The following KCND3 variants were observed in gnomAD, a reference collection of about 807,000 sequenced individuals.
KCND3 encodes the protein potassium voltage-gated channel subfamily D member 3, also known as A-type voltage-gated potassium channel KCND3.
A neutral mutation model predicts 51.1 loss-of-function variants in KCND3; 9 were observed. The ratio of observed to expected loss-of-function variants is 0.18; its 90% CI spans 0.11 to 0.31. The LOEUF (loss-of-function observed/expected upper bound fraction) is 0.31. Among genes scored for constraint, KCND3 ranks in the 10% least tolerant of loss-of-function variants. The pLI is 1.00. For synonymous variants in KCND3, 349 were observed against 368.0 expected (o/e 0.95, Z 0.59); for missense variants, 526 against 903.8 (o/e 0.58, Z 5.36).
At chr1:111,872,749 G>A (rs979903140) in intron 2 of KCND3, among the ~76,000 whole-genome samples, 2 of 152,194 alleles carry the variant, frequency 1.3e-5, no homozygotes, top group South Asian at 4.1e-4. Flanking sequence ...GAGGCCGTGA[G>A]AGAGAAAATT....
intron 2 of KCND3, among the ~76,000 whole-genome samples, chr1:111,973,138 T>C: frequency 6.6e-6 from 1 of 152,252 alleles, no homozygotes; most frequent in East Asian, 1.9e-4. Context: ...TTTAATTGTT[T>C]GGCTGATCAG....
At chr1:111,810,634 G>A (rs1293198327) in intron 2 of KCND3, among the ~76,000 whole-genome samples, 1 of 152,214 alleles carries the variant, frequency 6.6e-6, no homozygotes, top group African/African-American at 2.4e-5. Context: ...AGCTAACAGC[G>A]AATCCAGTCT....
At chr1:111,953,561 G>T (rs1673165053) in intron 2 of KCND3, among the ~76,000 whole-genome samples, 1 of 152,238 alleles carries the variant, frequency 6.6e-6, no homozygotes, top group African/African-American at 2.4e-5. Flanking sequence ...GGCCTGCCTA[G>T]AAGACAAGCG....
intron 2 of KCND3, among the ~76,000 whole-genome samples, chr1:111,881,502 T>C (rs1490638427): frequency 6.6e-6 from 1 of 152,202 alleles, no homozygotes; most frequent in African/African-American, 2.4e-5. Context: ...CCAGACACAT[T>C]TGTTTCTTTC....
At chr1:111,848,029 T>C (rs1667637983) in intron 2 of KCND3, among the ~76,000 whole-genome samples, 2 of 152,342 alleles carry the variant, frequency 1.3e-5, no homozygotes, top group Admixed American at 6.5e-5. Flanking sequence ...GCAGCTCCTT[T>C]GCTGCCACCT....
At chr1:111,833,591 G>T (rs1164066439) in intron 2 of KCND3, among the ~76,000 whole-genome samples, 1 of 152,352 alleles carries the variant, frequency 6.6e-6, no homozygotes, top group Admixed American at 6.5e-5. Flanking sequence ...ATGAGGAAAA[G>T]AGAACAAATT....
At chr1:111,940,688 A>G (rs756977512) in intron 2 of KCND3, among the ~76,000 whole-genome samples, 1 of 152,116 alleles carries the variant, frequency 6.6e-6, no homozygotes, top group Non-Finnish European at 1.5e-5. Flanking sequence ...CATACCATTT[A>G]CCACATTGTC....
intron 2 of KCND3, among the ~76,000 whole-genome samples, chr1:111,877,211 G>A (rs1476713348): frequency 2.0e-5 from 3 of 152,210 alleles, no homozygotes; most frequent in South Asian, 4.1e-4. Flanking sequence ...GAGCACTCCC[G>A]TGAAGTGCCA....
At chr1:111,839,047 C>T (rs1452197476) in intron 2 of KCND3, among the ~76,000 whole-genome samples, 1 of 152,182 alleles carries the variant, frequency 6.6e-6, no homozygotes, top group East Asian at 1.9e-4. Flanking sequence ...ATCTCTTTCC[C>T]AAGTGCACAC....
At position 111,784,103 on chromosome 1, in the gene KCND3, TCACACACACACACACACACA is replaced by T. The variant is rs369429634; in HGVS notation, c.1269+2821_1269+2840del. 7.4e-4 allele frequency among the ~76,000 whole-genome samples: 87 copies of T among 117,564 alleles called. 2 individuals are homozygous for T. Among genetic ancestry groups the T allele is most frequent in the African/African-American group, 2.5e-3 (86 of 34,496 alleles). The allele number at this position is 117,564 out of a possible 152,430, so 77.1% of individuals were successfully genotyped here. A position where few individuals can be genotyped will look rare whatever the true frequency, so the allele number is the denominator to read the frequency against. On this transcript the variant is annotated intron_variant, in intron 3 of 7. Coordinates refer to ENST00000302127, the MANE Select transcript of KCND3 (RefSeq NM_001378969.1). ...CCGTGGCAGTGGATGCATTAACTTATCACACACACACACACACACACACACACACACACACACACACCAGT... is the reference window on the plus strand; with the variant it reads ...CCGTGGCAGTGGATGCATTAACTTATCACACACACACACACACACACCAGT...
intron 3 of KCND3, among the ~76,000 whole-genome samples, chr1:111,786,097 C>CT (rs1448556828): frequency 6.6e-6 from 1 of 152,228 alleles, no homozygotes; most frequent in Non-Finnish European, 1.5e-5. Context: ...AAAAACACCG[C>CT]TTTCCCACTT....
chr1:111,981,494 C>T lies in KCND3; in HGVS notation c.1106+127G>A. 3 of 1,389,248 alleles carry T rather than the reference C, an allele frequency of 2.2e-6. No homozygotes were observed. Among genetic ancestry groups the T allele is most frequent in the Non-Finnish European group, 3.0e-6 (3 of 987,146 alleles). 86.1% of individuals were successfully genotyped at this position (1,389,248 alleles called of 1,614,324 possible). A position where few individuals can be genotyped will look rare whatever the true frequency, so the allele number is the denominator to read the frequency against. On this transcript the variant is annotated intron_variant, in intron 2 of 7. Transcript: ENST00000302127. The surrounding 1 kb of genome is among the most constrained non-coding windows in gnomAD (Gnocchi z 6.2). ...TTACCCTTCGGATAGAGCAACTTCC[C>T]CTGCCCCCAACACTTGGGTAAGGGA...
At chr1:111,793,964 T>C (rs1664950663) in intron 2 of KCND3, among the ~76,000 whole-genome samples, 1 of 152,212 alleles carries the variant, frequency 6.6e-6, no homozygotes, top group Admixed American at 6.5e-5. Context: ...AAGCCCTTCC[T>C]GGAGGTGACA....
At chr1:111,875,685 G>A (rs1195146779) in intron 2 of KCND3, among the ~76,000 whole-genome samples, 1 of 152,168 alleles carries the variant, frequency 6.6e-6, no homozygotes, top group Admixed American at 6.5e-5. Context: ...GCCTCTCTTA[G>A]CTTCTCCTCC....
intron 2 of KCND3, among the ~76,000 whole-genome samples, chr1:111,812,793 G>A (rs1418993258): frequency 6.6e-6 from 1 of 152,178 alleles, no homozygotes; most frequent in African/African-American, 2.4e-5. Flanking sequence ...GGCACAGGGA[G>A]CCGGGCACAG....
rs1349170466 is a variant in KCND3, at chr1:111,774,783, C to T, written c.*1294G>A. 1 of 152,184 alleles carries T rather than the reference C, an allele frequency of 6.6e-6. No individual in the cohort carries two copies. The highest frequency in any genetic ancestry group is 1.5e-5 in the Non-Finnish European group (1 of 68,080). The allele number at this position is 152,184 out of a possible 1,614,324, so 9.4% of individuals were successfully genotyped here. Reference sequence around the variant, plus strand: ...TGATATAAGTCAGAGGAATCTTGGTCCCCGTACCACTGCCCTCTCTGGAGA... The same window carrying T: ...TGATATAAGTCAGAGGAATCTTGGTTCCCGTACCACTGCCCTCTCTGGAGA... On this transcript the variant is annotated 3_prime_UTR_variant, in exon 8 of 8. Transcript: ENST00000302127.
intron 2 of KCND3, among the ~76,000 whole-genome samples, chr1:111,885,546 G>A (rs2101748471): frequency 6.6e-6 from 1 of 152,306 alleles, no homozygotes; most frequent in South Asian, 2.1e-4. Context: ...GCTGCATAAG[G>A]GAGCCCCAGA....
chr1:111,862,589 AGTGT>A (rs1668385610), intron 2 of KCND3, among the ~76,000 whole-genome samples: 1 of 152,206 alleles, frequency 6.6e-6, no homozygotes, highest in African/African-American at 2.4e-5. Flanking sequence ...CCCTTTAATC[AGTGT>A]AGGAAAGAAC....
chr1:111,974,018 A>G lies in KCND3; in HGVS notation c.1106+7603T>C, dbSNP rs7533874. 3.4e-3 allele frequency among the ~76,000 whole-genome samples: 521 copies of G among 152,384 alleles called. 6 individuals are homozygous for G. The highest frequency in any genetic ancestry group is 0.012 in the African/African-American group (492 of 41,596). On this transcript the variant is annotated intron_variant, in intron 2 of 7. Coordinates refer to ENST00000302127, the MANE Select transcript of KCND3 (RefSeq NM_001378969.1). ...GAGTCCTGACACCCAGAATAAGATTACATGAGCTAAATGCAATCTTCCTCC... is the reference window on the plus strand; with the variant it reads ...GAGTCCTGACACCCAGAATAAGATTGCATGAGCTAAATGCAATCTTCCTCC...
Sources: allele counts gnomAD v4.1 joint callset (sites outside exome capture counted in the v4.1 genomes callset), GRCh38; gene constraint gnomAD v4.1.1; non-coding constraint Gnocchi (gnomAD v3.1); transcripts MANE v1.5; gene names NCBI Gene and HGNC (gene_info 2026-07-23, HGNC 2026-07-21).